LRRC74A: variants seen among roughly 807,000 people sequenced by gnomAD.
LRRC74A encodes leucine rich repeat containing 74A, also known as leucine-rich repeat-containing protein 74A.
In LRRC74A, 44 loss-of-function variants were observed where a neutral mutation model predicts 57.9. That is an observed-to-expected ratio of 0.76 (90% CI 0.60 to 0.98). LRRC74A has a LOEUF of 0.98. Ranked by LOEUF, LRRC74A falls within the 50% of genes least tolerant of loss-of-function variation. The probability of loss-of-function intolerance (pLI) is 0.00; values close to 1 mark genes in which losing one functional copy is unlikely to be tolerated. For synonymous variants in LRRC74A, 211 were observed against 219.4 expected, an observed-to-expected ratio of 0.96 and a Z score of 0.34; for missense variants, 572 against 574.0, an observed-to-expected ratio of 1.00 and a Z score of 0.04.
rs187224040 is a variant in LRRC74A, at chr14:76,854,413, G to A, written c.957+1003G>A. Among the ~76,000 whole-genome samples the A allele has an allele frequency of 1.9e-3, 290 of 152,308 alleles. 3 individuals carry two copies. The highest frequency in any genetic ancestry group is 6.7e-3 in the African/African-American group (277 of 41,564). ...GCTTGAGGTCACCAGTTTAAGACCA[G>A]CCTGGCCAACATGGTGAAACCTTGT... On this transcript the variant is annotated intron_variant, in intron 9 of 13. Coordinates refer to ENST00000689127, the MANE Select transcript of LRRC74A (RefSeq NM_001385106.1).
chr14:76,867,229 TGTGTGTGGGG>T, intron 12 of LRRC74A, 117 bp from the exon 13 acceptor site: 1 of 320,478 alleles, frequency 3.1e-6, no homozygotes, highest in Admixed American at 5.1e-5. Flanking sequence ...TGTGTGGTAG[TGTGTGTGGGG>T]GTGTGTGTTG....
intron 11 of LRRC74A, among the ~76,000 whole-genome samples, chr14:76,864,901 G>A (rs780167452): frequency 2.0e-5 from 3 of 152,120 alleles, no homozygotes; most frequent in Admixed American, 2.0e-4. Context: ...ACATTGAAAA[G>A]GTGTTCATAT....
chr14:76,862,759 C>T (rs1178306844), intron 11 of LRRC74A, among the ~76,000 whole-genome samples: 2 of 152,060 alleles, frequency 1.3e-5, no homozygotes, highest in African/African-American at 4.8e-5. Flanking sequence ...AGCAAAGGTG[C>T]TGAGGTGGAA....
chr14:76,844,854 A>G lies in LRRC74A; in HGVS notation c.629A>G (p.His210Arg). Residue 210 changes from histidine to arginine, a missense_variant, in exon 7 of 14, where the codon CAC (histidine) becomes CGC (arginine). Coordinates refer to ENST00000689127, the MANE Select transcript of LRRC74A (RefSeq NM_001385106.1). The stretch of plus-strand genomic sequence containing the variant: ...CAAATTAAAAAGCTGGATCTCAGTC[A>G]CAACCAATTCTCTGATGTAGGAGGG... The part of the protein sequence containing the change: ...NYQIKKLDLS[H>R]NQFSDVGGEH... 1 of 1,596,538 alleles carries G rather than the reference A, an allele frequency of 6.3e-7. No individual in the cohort carries two copies. Among genetic ancestry groups the G allele is most frequent in the Non-Finnish European group, 8.6e-7 (1 of 1,164,104 alleles).
rs754442456 is a variant in LRRC74A, at chr14:76,831,166, G to T, written c.167-37G>T. 2.7e-5 allele frequency: 44 copies of T among 1,609,124 alleles called. No individual in the cohort carries two copies. The East Asian group carries it at 5.4e-4, about 20-fold the overall frequency. On this transcript the variant is annotated intron_variant, in intron 2 of 13. Transcript: ENST00000689127. ...CTAGAGGGGAGAGAAGGCAAAGGTG[G>T]AAGAGAAATCCTACTTCAGCCCATC...
chr14:76,835,810 A>G (rs772441932), intron 3 of LRRC74A, among the ~76,000 whole-genome samples: 9 of 152,246 alleles, frequency 5.9e-5, no homozygotes, highest in Non-Finnish European at 1.2e-4. Flanking sequence ...AGAAAGCAAA[A>G]TCAATGCTTT....
chr14:76,862,481 G>C (rs990745500), intron 11 of LRRC74A, among the ~76,000 whole-genome samples: 1 of 151,902 alleles, frequency 6.6e-6, no homozygotes, highest in Non-Finnish European at 1.5e-5. Context: ...AGGCTGCAGC[G>C]AGCTGAGATT....
At chr14:76,868,435 C>T (rs1342446092) in intron 13 of LRRC74A, among the ~76,000 whole-genome samples, 3 of 152,216 alleles carry the variant, frequency 2.0e-5, no homozygotes, top group Admixed American at 2.0e-4. Flanking sequence ...CATCACTGCA[C>T]TTCAGCCTGG....
intron 9 of LRRC74A, among the ~76,000 whole-genome samples, chr14:76,855,476 A>G (rs1897814216): frequency 1.3e-5 from 2 of 152,274 alleles, no homozygotes. Context: ...TGTAATGAAT[A>G]TATTTCAATT....
At chr14:76,840,584 CTTTTT>C (rs34388699) in intron 5 of LRRC74A, among the ~76,000 whole-genome samples, 1 of 130,064 alleles carries the variant, frequency 7.7e-6, no homozygotes, top group Non-Finnish European at 1.6e-5. Flanking sequence ...TTATGTATTT[CTTTTT>C]TTTTTTTTTT....
At chr14:76,852,738 C>T (rs537332158) in intron 8 of LRRC74A, among the ~76,000 whole-genome samples, 16 of 151,834 alleles carry the variant, frequency 1.1e-4, no homozygotes, top group African/African-American at 3.6e-4. Flanking sequence ...CCTGCCTCAG[C>T]CTCCTGAGTA....
At chr14:76,847,586 C>T (rs1184402915) in intron 7 of LRRC74A, among the ~76,000 whole-genome samples, 1 of 151,752 alleles carries the variant, frequency 6.6e-6, no homozygotes, top group Non-Finnish European at 1.5e-5. Flanking sequence ...TAACTGAGTA[C>T]TAGGCTTAAT....
chr14:76,834,906 T>C (rs1033292678), intron 3 of LRRC74A, among the ~76,000 whole-genome samples: 7 of 152,206 alleles, frequency 4.6e-5, no homozygotes, highest in Non-Finnish European at 8.8e-5. Context: ...AGAAGACATT[T>C]CAGGAAGCCC....
At chr14:76,828,657 G>A (rs771934942) in intron 2 of LRRC74A, 24 of 651,772 alleles carry the variant, frequency 3.7e-5, no homozygotes, top group South Asian at 7.5e-5. Context: ...CCCTCACGTC[G>A]TCTTGTTAAA....
At chr14:76,842,093 G>T (rs1896814777) in intron 5 of LRRC74A, among the ~76,000 whole-genome samples, 1 of 151,890 alleles carries the variant, frequency 6.6e-6, no homozygotes, top group African/African-American at 2.4e-5. Context: ...TTTATTTCTA[G>T]GTCTTCTATT....
At chr14:76,863,119 T>C (rs1429122385) in intron 11 of LRRC74A, among the ~76,000 whole-genome samples, 1 of 151,826 alleles carries the variant, frequency 6.6e-6, no homozygotes, top group Non-Finnish European at 1.5e-5. Flanking sequence ...AGAGCTATCA[T>C]TATGGAAACA....
At chr14:76,829,191 C>T in intron 2 of LRRC74A, 2 of 1,289,294 alleles carry the variant, frequency 1.6e-6, no homozygotes, top group Non-Finnish European at 2.0e-6. Context: ...CAGGCCAAGC[C>T]TAGCCCAGTC....
Position 76,867,912 on chromosome 14 carries a change from A to G in LRRC74A, c.1391+474A>G, listed in dbSNP as rs370820582. Among the ~76,000 whole-genome samples the G allele has an allele frequency of 4.1e-4, 63 of 152,356 alleles. No individual in the cohort carries two copies. In the South Asian group the frequency reaches 0.012, roughly 29 times the overall value. Reference sequence around the variant, plus strand: ...AAGCACCAAATGCTAACGGTGTGTTAGGGACTACAGGTCCCGCTACTCTGC... The same window carrying G: ...AAGCACCAAATGCTAACGGTGTGTTGGGGACTACAGGTCCCGCTACTCTGC... On this transcript the variant is annotated intron_variant, in intron 13 of 13. Transcript: ENST00000689127.
chr14:76,831,364 A>G lies in LRRC74A; in HGVS notation c.328A>G (p.Ile110Val), dbSNP rs764180869. ...CCCCAGGGGTACCAAGGCTATTGCT[A>G]TAGCCCTGGTGGTGAGCATGCTAGT... Reference protein sequence around the residue: ...LGPRGTKAIAIALVSNMAVTK... With the variant: ...LGPRGTKAIAVALVSNMAVTK... The change falls in exon 3 of 14, where the codon ATA becomes GTA. Residue 110 changes from isoleucine to valine, a missense_variant. Ile to Val is a conservative substitution (Grantham distance 29). Transcript: ENST00000689127. 5 of 1,613,178 alleles carry G rather than the reference A, an allele frequency of 3.1e-6. No individual in the cohort carries two copies. The highest frequency in any genetic ancestry group is 2.2e-5 in the South Asian group (2 of 91,048).
Sources: allele counts gnomAD v4.1 joint callset (sites outside exome capture counted in the v4.1 genomes callset), GRCh38; gene constraint gnomAD v4.1.1; transcripts MANE v1.5; gene names NCBI Gene and HGNC (gene_info 2026-07-23, HGNC 2026-07-21).